DNAI4: variants seen among roughly 807,000 people sequenced by gnomAD.
DNAI4 encodes dynein axonemal intermediate chain 4.
DNAI4 carries 85 observed loss-of-function variants against 105.8 expected under a neutral mutation model. The observed-to-expected ratio is 0.80, with a 90% confidence interval of 0.67 to 0.96. The LOEUF is 0.96. Ranked by LOEUF, DNAI4 falls within the 40% of genes least tolerant of loss-of-function variation. The pLI is 0.00. For synonymous variants in DNAI4, 352 were observed against 331.5 expected, an observed-to-expected ratio of 1.06 and a Z score of -0.67; for missense variants, 1,014 against 1,005.6, an observed-to-expected ratio of 1.01 and a Z score of -0.11.
intron 2 of DNAI4, 185 bp downstream of exon 2, chr1:66,905,016 A>G: frequency 6.8e-6 from 3 of 441,174 alleles, no homozygotes; most frequent in Non-Finnish European, 1.2e-5. Context: ...CTTATCAATA[A>G]CTAGTTATAG....
At chr1:66,900,200 C>T (rs772668257) in intron 2 of DNAI4, among the ~76,000 whole-genome samples, 1 of 152,088 alleles carries the variant, frequency 6.6e-6, no homozygotes, top group Non-Finnish European at 1.5e-5. Context: ...CTTCCAAGTT[C>T]AAGCGATTCT....
intron 8 of DNAI4, among the ~76,000 whole-genome samples, chr1:66,844,028 T>C (rs1304677581): frequency 8.4e-6 from 1 of 118,500 alleles, no homozygotes; most frequent in African/African-American, 3.3e-5. Flanking sequence ...CTCATGTCTA[T>C]AATCCCAGAG....
At chr1:66,836,209 A>AAAGAAAGG in intron 10 of DNAI4, among the ~76,000 whole-genome samples, 1 of 42,614 alleles carries the variant, frequency 2.3e-5, no homozygotes, top group South Asian at 8.7e-4. Context: ...AGAAAGAAAG[A>AAAGAAAGG]GAGAGAGAGA....
chr1:66,892,422 A>C (rs932273931), intron 3 of DNAI4, among the ~76,000 whole-genome samples: 1 of 152,256 alleles, frequency 6.6e-6, no homozygotes, highest in Admixed American at 6.5e-5. Context: ...AAGAAACCTG[A>C]AGAAAAATGT....
At chr1:66,864,622 C>T (rs963464755) in intron 6 of DNAI4, among the ~76,000 whole-genome samples, 6 of 152,074 alleles carry the variant, frequency 3.9e-5, no homozygotes, top group Admixed American at 2.0e-4. Flanking sequence ...GAGGCTGAGG[C>T]GGGCAGATCA....
intron 8 of DNAI4, 107 bp from the exon 9 acceptor site, chr1:66,840,778 G>C: frequency 8.7e-7 from 1 of 1,145,488 alleles, no homozygotes; most frequent in South Asian, 1.4e-5. Flanking sequence ...AGCACCATCA[G>C]ATCTGCTGGA....
At chr1:66,834,212 T>G in intron 11 of DNAI4, 64 bp from the exon 12 acceptor site, 1 of 1,310,660 alleles carries the variant, frequency 7.6e-7, no homozygotes, top group Non-Finnish European at 1.0e-6. Context: ...GGCCTTGGAG[T>G]ATAAGTGATA....
chr1:66,833,000 T>C (rs113132857), intron 13 of DNAI4, among the ~76,000 whole-genome samples: 11 of 152,188 alleles, frequency 7.2e-5, no homozygotes, highest in African/African-American at 2.4e-4. Flanking sequence ...GTAAGTATGA[T>C]AGAGCAGCAG....
At chr1:66,883,338 C>T (rs185862928) in intron 4 of DNAI4, among the ~76,000 whole-genome samples, 78 of 152,118 alleles carry the variant, frequency 5.1e-4, no homozygotes, top group Non-Finnish European at 7.6e-4. Flanking sequence ...AGTGCAATGG[C>T]GCAATCTGGG....
chr1:66,871,446 T>C lies in DNAI4; in HGVS notation c.864A>G (p.Glu288=), dbSNP rs757072400. The change falls in exon 6 of 17, where the codon GAA becomes GAG. Residue 288 remains glutamate (E), a synonymous_variant. Coordinates refer to ENST00000371026, the MANE Select transcript of DNAI4 (RefSeq NM_024763.5). ...RNRLGNDLYV[E]RMMQTFNGAP... The stretch of plus-strand genomic sequence containing the variant: ...CTCCATTGAAAGTCTGCATCATCCT[T>C]TCAACATATAGGTCATTGCCTAATC... 1.2e-6 allele frequency: 2 copies of C among 1,612,252 alleles called. No individual in the cohort carries two copies. Among genetic ancestry groups the C allele is most frequent in the Admixed American group, 3.3e-5 (2 of 59,910 alleles).
intron 10 of DNAI4, among the ~76,000 whole-genome samples, chr1:66,837,301 T>C (rs774612753): frequency 3.9e-4 from 58 of 148,048 alleles, no homozygotes; most frequent in Middle Eastern, 7.0e-3. Flanking sequence ...GGAGGCAGAG[T>C]TTGCAGTGAG....
At chr1:66,884,667 T>C (rs1161011965) in intron 4 of DNAI4, among the ~76,000 whole-genome samples, 1 of 151,294 alleles carries the variant, frequency 6.6e-6, no homozygotes, top group East Asian at 1.9e-4. Context: ...ATCAAGGATA[T>C]TGGCCCATGA....
intron 4 of DNAI4, among the ~76,000 whole-genome samples, chr1:66,880,474 G>C (rs190562772): frequency 6.6e-6 from 1 of 152,206 alleles, no homozygotes; most frequent in South Asian, 2.1e-4. Context: ...TGAAGGGCTC[G>C]TTGGGAACTG....
chr1:66,829,044 C>T (rs1042837900), intron 13 of DNAI4, among the ~76,000 whole-genome samples: 1 of 152,094 alleles, frequency 6.6e-6, no homozygotes, highest in African/African-American at 2.4e-5. Context: ...ATGTGGGAAA[C>T]AGGAATGGGC....
At chr1:66,825,337 G>T (rs919015408) in intron 15 of DNAI4, among the ~76,000 whole-genome samples, 2 of 151,058 alleles carry the variant, frequency 1.3e-5, no homozygotes, top group East Asian at 1.9e-4. Context: ...CCGCCACCGC[G>T]CCCGGCTAAT....
intron 8 of DNAI4, among the ~76,000 whole-genome samples, chr1:66,843,574 A>G (rs763534134): frequency 4.3e-4 from 66 of 152,172 alleles, no homozygotes; most frequent in Non-Finnish European, 4.9e-4. Flanking sequence ...TCAATGGATC[A>G]TGCATTTGGT....
At chr1:66,902,245 T>C (rs1648885379) in intron 2 of DNAI4, among the ~76,000 whole-genome samples, 2 of 152,180 alleles carry the variant, frequency 1.3e-5, no homozygotes, top group Admixed American at 6.6e-5. Flanking sequence ...TTTTTTTTAA[T>C]AGTAGCTGTC....
chr1:66,848,032 T>C lies in DNAI4; in HGVS notation c.1097-354A>G, dbSNP rs887264389. 3 of 369,052 alleles carry C rather than the reference T, an allele frequency of 8.1e-6. No homozygotes were observed. The East Asian group carries it at 2.2e-4, about 27-fold the overall frequency. The allele number at this position is 369,052 out of a possible 1,614,324, so 22.9% of individuals were successfully genotyped here. ...ATACAGAAATACTATACTATTGTAT[T>C]AAGTTTTCTCTTGCTGCTGTAACAA... On this transcript the variant is annotated intron_variant, in intron 7 of 16. Transcript: ENST00000371026.
Position 66,835,796 on chromosome 1 carries a change from C to A in DNAI4, c.1582-19G>T, listed in dbSNP as rs756136937. On this transcript the variant is annotated intron_variant, in intron 10 of 16. Transcript: ENST00000371026. Reference sequence around the variant, plus strand: ...CTGGCCACTAAATTTTAAAAAATTACATTTTCAATTTGTTTTTGTAGACCA... The same window carrying A: ...CTGGCCACTAAATTTTAAAAAATTAAATTTTCAATTTGTTTTTGTAGACCA... 7.4e-6 allele frequency: 12 copies of A among 1,611,788 alleles called. No homozygotes were observed. The South Asian group carries it at 1.3e-4, about 18-fold the overall frequency.
Sources: allele counts gnomAD v4.1 joint callset (sites outside exome capture counted in the v4.1 genomes callset), GRCh38; gene constraint gnomAD v4.1.1; transcripts MANE v1.5; gene names NCBI Gene and HGNC (gene_info 2026-07-23, HGNC 2026-07-21).